The following CDH13 variants were observed in gnomAD, a reference collection of about 807,000 sequenced individuals.
CDH13 encodes cadherin-13.
Under a neutral mutation model 63.8 loss-of-function variants are expected in CDH13, and 24 were observed. The observed-to-expected ratio is 0.38, with a 90% CI of 0.27 to 0.53. The LOEUF is 0.53. Among genes scored for constraint, CDH13 ranks in the 20% least tolerant of loss-of-function variants. CDH13 has a pLI of 0.85. For synonymous variants in CDH13, 503 were observed against 355.3 expected (o/e 1.42, Z -4.67); for missense variants, 1,049 against 903.1 (o/e 1.16, Z -2.07).
chr16:82,886,171 C>G (rs2040880153), intron 2 of CDH13, among the ~76,000 whole-genome samples: 1 of 152,102 alleles, frequency 6.6e-6, no homozygotes, highest in Non-Finnish European at 1.5e-5. Flanking sequence ...TATAATCAAA[C>G]TGTTATAGCT....
At chr16:83,380,709 A>C (rs919502989) in intron 6 of CDH13, among the ~76,000 whole-genome samples, 9 of 152,164 alleles carry the variant, frequency 5.9e-5, no homozygotes, top group African/African-American at 2.2e-4. Flanking sequence ...TTCTAGACCA[A>C]CAGTACCCTC....
At chr16:82,843,844 A>G (rs147976234) in intron 1 of CDH13, among the ~76,000 whole-genome samples, 13 of 152,346 alleles carry the variant, frequency 8.5e-5, no homozygotes, top group East Asian at 5.8e-4. Context: ...TAATTGTTCA[A>G]TTGACACAAC....
intron 4 of CDH13, among the ~76,000 whole-genome samples, chr16:83,199,244 T>C (rs1413541739): frequency 6.6e-6 from 1 of 152,252 alleles, no homozygotes; most frequent in African/African-American, 2.4e-5. Context: ...AGCATGCTTG[T>C]CTGCTCAGCA....
chr16:83,237,990 T>C (rs1904277941), intron 5 of CDH13, among the ~76,000 whole-genome samples: 1 of 152,180 alleles, frequency 6.6e-6, no homozygotes, highest in Non-Finnish European at 1.5e-5. Flanking sequence ...AGGAATTTAA[T>C]CCCAGATGTT....
intron 6 of CDH13, among the ~76,000 whole-genome samples, chr16:83,372,749 TA>T (rs35480546): frequency 0.31 from 29,158 of 95,202 alleles, 4,060 homozygotes; most frequent in Middle Eastern, 0.42. Flanking sequence ...AGACTCGGTC[TA>T]AAAAAAAAAA....
At chr16:83,449,560 T>G (rs2072822397) in intron 6 of CDH13, among the ~76,000 whole-genome samples, 1 of 152,198 alleles carries the variant, frequency 6.6e-6, no homozygotes, top group Non-Finnish European at 1.5e-5. Flanking sequence ...TTTCCAGTCC[T>G]TGGAATTTCG....
In CDH13 at chr16:82,851,444, ATAAAAAG is replaced by A. The variant is rs754138473; in HGVS notation, c.46-6917_46-6911del. Among the ~76,000 whole-genome samples, 14 of 130,110 alleles carry A rather than the reference ATAAAAAG, an allele frequency of 1.1e-4. 4 individuals are homozygous for A. The highest frequency in any genetic ancestry group is 2.5e-4 in the Admixed American group (3 of 11,804). 85.4% of individuals were successfully genotyped at this position (130,110 alleles called of 152,430 possible). On this transcript the variant is annotated intron_variant, in intron 1 of 13. Coordinates refer to ENST00000567109, the MANE Select transcript of CDH13 (RefSeq NM_001257.5). ...AGTGAGATTTCGTCTCAAAAAAAAA[ATAAAAAG>A]AAAAAGAAAAAGAAAAAAGAAAGCA...
At chr16:82,803,370 A>C (rs1316546613) in intron 1 of CDH13, among the ~76,000 whole-genome samples, 1 of 152,204 alleles carries the variant, frequency 6.6e-6, no homozygotes, top group South Asian at 2.1e-4. Flanking sequence ...AGGAAGGGGC[A>C]GAGTGTTTTC....
At chr16:83,596,117 A>C (rs977335730) in intron 7 of CDH13, among the ~76,000 whole-genome samples, 5 of 152,200 alleles carry the variant, frequency 3.3e-5, no homozygotes, top group Non-Finnish European at 7.3e-5. Flanking sequence ...GGGAGAATAC[A>C]ACTTGATCTT....
intron 2 of CDH13, among the ~76,000 whole-genome samples, chr16:82,950,807 CTT>C (rs67534843): frequency 2.2e-3 from 296 of 132,018 alleles, no homozygotes; most frequent in African/African-American, 6.6e-3. Context: ...ACTCCCACAT[CTT>C]TTTTTTTTTT....
chr16:83,373,934 G>A (rs566187759), intron 6 of CDH13, among the ~76,000 whole-genome samples: 1 of 152,234 alleles, frequency 6.6e-6, no homozygotes, highest in African/African-American at 2.4e-5. Context: ...AGGATCCAGG[G>A]GAATGAGCAT....
At chr16:83,280,038 T>A (rs914398929) in intron 5 of CDH13, among the ~76,000 whole-genome samples, 3 of 152,214 alleles carry the variant, frequency 2.0e-5, no homozygotes, top group African/African-American at 7.2e-5. Context: ...GGCTGCAGAT[T>A]GATCAGGGTG....
chr16:82,729,547 C>T (rs2033285248), intron 1 of CDH13, among the ~76,000 whole-genome samples: 1 of 151,936 alleles, frequency 6.6e-6, no homozygotes, highest in African/African-American at 2.4e-5. Context: ...TTCAGTAAAG[C>T]ATGCTGTAAA....
chr16:83,138,613 G>C (rs1467637042), intron 4 of CDH13, among the ~76,000 whole-genome samples: 1 of 152,158 alleles, frequency 6.6e-6, no homozygotes, highest in Admixed American at 6.5e-5. Context: ...AATCATCAAA[G>C]GCTGGAAGAG....
intron 1 of CDH13, among the ~76,000 whole-genome samples, chr16:82,645,844 C>A (rs984574341): frequency 3.3e-5 from 5 of 152,146 alleles, no homozygotes; most frequent in Admixed American, 3.3e-4. Context: ...CATGGTTATT[C>A]CAAAGGGCAT....
At chr16:82,699,767 T>C (rs370020222) in intron 1 of CDH13, among the ~76,000 whole-genome samples, 1 of 152,232 alleles carries the variant, frequency 6.6e-6, no homozygotes, top group Non-Finnish European at 1.5e-5. Context: ...CGTAACAGGA[T>C]ATTAAGATAA....
chr16:83,706,773 C>T (rs1207956400), intron 10 of CDH13, among the ~76,000 whole-genome samples: 1 of 152,206 alleles, frequency 6.6e-6, no homozygotes, highest in Non-Finnish European at 1.5e-5. Context: ...GAAAAAGCTG[C>T]TTCAGCGATC....
intron 1 of CDH13, among the ~76,000 whole-genome samples, chr16:82,656,981 C>A (rs915508522): frequency 1.3e-5 from 2 of 148,358 alleles, no homozygotes; most frequent in African/African-American, 5.0e-5. Context: ...ACAGTTTATC[C>A]ATTGACCTAC....
rs114011693 is a variant in CDH13, at chr16:82,712,250, C to G, written c.45+85113C>G. Among the ~76,000 whole-genome samples, 1,503 of 152,134 alleles carry G rather than the reference C, an allele frequency of 9.9e-3. 33 individuals carry two copies. The highest frequency in any genetic ancestry group is 0.034 in the African/African-American group (1,426 of 41,488). ...GGTCAATCTTCATTAATTTATTTTA[C>G]TAATTAGTTAAAGGCTGGTGTAATT... On this transcript the variant is annotated intron_variant, in intron 1 of 13. Transcript: ENST00000567109.
Sources: gnomAD v4.1 joint callset for allele counts (sites outside exome capture counted in the v4.1 genomes callset) on GRCh38, gnomAD v4.1.1 for gene constraint, MANE v1.5 for transcripts, NCBI Gene and HGNC (gene_info 2026-07-23, HGNC 2026-07-21) for gene names.